The following EMC3 variants were observed in gnomAD, a reference collection of about 807,000 sequenced individuals.
The protein encoded by EMC3 is 30 kDa protein.
In EMC3, 13 loss-of-function variants were observed where a neutral mutation model predicts 36.6. The observed-to-expected ratio is 0.35, with a 90% CI of 0.23 to 0.56. The LOEUF is 0.56. EMC3 is among the 20% of genes least tolerant of loss of function. The pLI is 0.84. For synonymous variants in EMC3, 120 were observed against 111.9 expected (o/e 1.07, Z -0.46); for missense variants, 220 against 324.5 (o/e 0.68, Z 2.47).
intron 3 of EMC3, among the ~76,000 whole-genome samples, chr3:9,976,429 A>G (rs556190666): frequency 1.3e-5 from 2 of 152,332 alleles, no homozygotes; most frequent in Admixed American, 6.5e-5. Context: ...TTAACATGCT[A>G]TATTTTTCAC....
chr3:9,989,279 G>A (rs1365555025), upstream of EMC3, among the ~76,000 whole-genome samples: 2 of 152,192 alleles, frequency 1.3e-5, no homozygotes, highest in African/African-American at 4.8e-5. Flanking sequence ...GGCCGGGCAC[G>A]GTGGCTCACG....
At chr3:9,998,608 A>T (rs1007409470) in intron 1 of EMC3, among the ~76,000 whole-genome samples, 1 of 151,448 alleles carries the variant, frequency 6.6e-6, no homozygotes, top group East Asian at 1.9e-4. Context: ...TTTTTTAATT[A>T]TAATTATCCT....
At chr3:9,996,567 GAAC>G (rs1484144222) in intron 1 of EMC3, among the ~76,000 whole-genome samples, 2 of 152,114 alleles carry the variant, frequency 1.3e-5, no homozygotes, top group Non-Finnish European at 1.5e-5. Context: ...CTGTGACTTT[GAAC>G]AACTAGTATA....
At chr3:9,993,292 T>G (rs1359918044) in intron 1 of EMC3, among the ~76,000 whole-genome samples, 3 of 152,228 alleles carry the variant, frequency 2.0e-5, no homozygotes. Flanking sequence ...ACTATCACTC[T>G]TTGGCCATTC....
At chr3:9,987,338 C>G (rs1327619883), upstream of EMC3, 88 of 985,014 alleles carry the variant, frequency 8.9e-5, no homozygotes, top group Non-Finnish European at 9.0e-5. Context: ...AAGTCCGGGC[C>G]GCGGTCGGCG....
intron 3 of EMC3, among the ~76,000 whole-genome samples, chr3:9,974,712 C>T (rs1342139701): frequency 6.6e-6 from 1 of 151,876 alleles, no homozygotes; most frequent in Non-Finnish European, 1.5e-5. Flanking sequence ...GTGCCTGCCA[C>T]CACGCCTGGC....
chr3:9,977,995 T>G (rs967123549), intron 1 of EMC3, among the ~76,000 whole-genome samples: 5 of 151,788 alleles, frequency 3.3e-5, no homozygotes, highest in Non-Finnish European at 7.4e-5. Context: ...AAATCAACTA[T>G]TAGAGCCATA....
At chr3:9,995,239 A>G (rs1293356305) in intron 1 of EMC3, among the ~76,000 whole-genome samples, 2 of 151,826 alleles carry the variant, frequency 1.3e-5, no homozygotes, top group African/African-American at 4.8e-5. Context: ...AGCCTGTACT[A>G]TATGGAGAAA....
intron 1 of EMC3, among the ~76,000 whole-genome samples, chr3:9,981,167 G>A (rs777227075): frequency 7.2e-5 from 11 of 152,184 alleles, no homozygotes; most frequent in Non-Finnish European, 1.0e-4. Context: ...GCACCACTGC[G>A]ATCGCAGCCT....
intron 7 of EMC3, 160 bp downstream of exon 7, chr3:9,969,559 T>A (rs866239746): frequency 6.6e-7 from 1 of 1,514,956 alleles, no homozygotes; most frequent in Middle Eastern, 2.0e-4. Context: ...AATAGATGAT[T>A]CTGTCTCAGG....
intron 1 of EMC3, among the ~76,000 whole-genome samples, chr3:9,985,574 T>C (rs17050674): frequency 0.23 from 34,879 of 152,066 alleles, 4,599 homozygotes; most frequent in African/African-American, 0.36. Context: ...CCTATAATCA[T>C]CTCAAATTCC....
chr3:9,967,963 C>T lies in EMC3; in HGVS notation c.657+1756G>A, dbSNP rs930913051. ...TTTGAGACGAAGTCTCGCTCTGTCA[C>T]CAGGCTGGAGTCTAGTGGCGTGATC... On this transcript the variant is annotated intron_variant, in intron 7 of 7. Coordinates refer to ENST00000245046, the MANE Select transcript of EMC3 (RefSeq NM_001394674.1). Among the ~76,000 whole-genome samples the T allele has an allele frequency of 3.9e-5, 6 of 152,234 alleles. No individual in the cohort carries two copies. The South Asian group carries it at 1.0e-3, about 26-fold the overall frequency.
At chr3:10,001,791 A>ACTC (rs2086203670) in intron 1 of EMC3, among the ~76,000 whole-genome samples, 2 of 152,060 alleles carry the variant, frequency 1.3e-5, no homozygotes, top group South Asian at 4.2e-4. Flanking sequence ...AGTTCAGGAG[A>ACTC]CTGAGACCAT....
At chr3:10,002,532 C>T (rs769061341) in intron 1 of EMC3, among the ~76,000 whole-genome samples, 2 of 152,080 alleles carry the variant, frequency 1.3e-5, no homozygotes, top group Admixed American at 6.6e-5. Context: ...GCAATCCACC[C>T]GCCTCAGCCT....
chr3:9,991,703 G>GT (rs2086054656), upstream of EMC3, among the ~76,000 whole-genome samples: 1 of 152,140 alleles, frequency 6.6e-6, no homozygotes, highest in Non-Finnish European at 1.5e-5. Context: ...GCAGGCTGCT[G>GT]TTTTTTCCAC....
At chr3:9,982,494 C>T in intron 1 of EMC3, among the ~76,000 whole-genome samples, 1 of 152,032 alleles carries the variant, frequency 6.6e-6, no homozygotes, top group Non-Finnish European at 1.5e-5. Flanking sequence ...ACCTCGTGAT[C>T]TGCCTGCCTC....
chr3:10,005,963 G>C (rs1202937198), intron 1 of EMC3, among the ~76,000 whole-genome samples: 2 of 152,202 alleles, frequency 1.3e-5, no homozygotes, highest in African/African-American at 4.8e-5. Flanking sequence ...TAGGGAGCCA[G>C]CTTTTAACGT....
upstream of EMC3, chr3:9,986,937 C>A: frequency 8.2e-7 from 1 of 1,223,670 alleles, no homozygotes; most frequent in Non-Finnish European, 1.0e-6. Flanking sequence ...GGCGGTGGCC[C>A]AGGCTCGGTG....
intron 1 of EMC3, among the ~76,000 whole-genome samples, chr3:10,009,669 CACTCCCAGTCCA>C (rs1281658794): frequency 6.6e-6 from 1 of 152,192 alleles, no homozygotes; most frequent in Admixed American, 6.5e-5. Flanking sequence ...GTTTGGATTA[CACTCCCAGTCCA>C]ATTCACAGTC....
Sources: allele counts gnomAD v4.1 joint callset (sites outside exome capture counted in the v4.1 genomes callset), GRCh38; gene constraint gnomAD v4.1.1; transcripts MANE v1.5; gene names NCBI Gene and HGNC (gene_info 2026-07-23, HGNC 2026-07-21).